The following NEDD4L variants were observed in gnomAD, a reference collection of about 807,000 sequenced individuals.
The protein encoded by NEDD4L is E3 ubiquitin-protein ligase NEDD4-like.
Under a neutral mutation model 148.9 loss-of-function variants are expected in NEDD4L, and 54 were observed. The ratio of observed to expected loss-of-function variants is 0.36; its 90% confidence interval spans 0.29 to 0.45. NEDD4L has a LOEUF of 0.45. Ranked by LOEUF, NEDD4L falls within the 20% of genes least tolerant of loss-of-function variation. The pLI, the probability that NEDD4L is intolerant of heterozygous loss-of-function variation, is 1.00. For missense variants in NEDD4L, 856 were observed against 1,233.8 expected (o/e 0.69, Z 4.59); for synonymous variants, 433 against 440.7 (o/e 0.98, Z 0.22).
At chr18:58,161,423 TTTTTTC>T (rs1185701416) in intron 1 of NEDD4L, among the ~76,000 whole-genome samples, 49 of 130,996 alleles carry the variant, frequency 3.7e-4, no homozygotes, top group Admixed American at 3.6e-3. Context: ...ATTTCCGTGT[TTTTTTC>T]TTTTTCTTTT....
At chr18:58,205,280 C>T (rs933221816) in intron 2 of NEDD4L, among the ~76,000 whole-genome samples, 5 of 152,172 alleles carry the variant, frequency 3.3e-5, no homozygotes, top group African/African-American at 9.7e-5. Context: ...GCAGTAAAGC[C>T]ATGAGCTAAC....
chr18:58,103,272 A>ATATAATATATATAATTATAT (rs112285345), intron 1 of NEDD4L, among the ~76,000 whole-genome samples: 2 of 136,382 alleles, frequency 1.5e-5, no homozygotes, highest in African/African-American at 6.3e-5. Flanking sequence ...TATATATTAT[A>ATATAATATATATAATTATAT]ATTATATATA....
At position 58,084,671 on chromosome 18, in the gene NEDD4L, T is replaced by TTGTGTGTGTGTGTGTGTGTG. The variant is rs55916532; in HGVS notation, c.48+39983_48+40002dup. ...CTTCTCACTATATCTTGTGGGGTTTTTGTGTGTGTGTGTGTGTGTGTGTGT... is the reference window on the plus strand; with the variant it reads ...CTTCTCACTATATCTTGTGGGGTTTTTGTGTGTGTGTGTGTGTGTGTGTGTGTGTGTGTGTGTGTGTGTGT... On this transcript the variant is annotated intron_variant, in intron 1 of 30. Transcript: ENST00000400345. Among the ~76,000 whole-genome samples the TTGTGTGTGTGTGTGTGTGTG allele has an allele frequency of 7.5e-5, 10 of 133,736 alleles. No homozygotes were observed. The East Asian group carries it at 9.0e-4, about 12-fold the overall frequency. 87.7% of individuals were successfully genotyped at this position (133,736 alleles called of 152,430 possible).
intron 1 of NEDD4L, among the ~76,000 whole-genome samples, chr18:58,099,950 A>G (rs1401428677): frequency 6.6e-6 from 1 of 151,766 alleles, no homozygotes; most frequent in East Asian, 1.9e-4. Context: ...TGAGATAGCT[A>G]ATAATCAAAG....
At position 58,120,606 on chromosome 18, in the gene NEDD4L, C is replaced by T. The variant is rs191029184; in HGVS notation, c.49-45182C>T. Among the ~76,000 whole-genome samples the T allele has an allele frequency of 7.8e-3, 1,191 of 152,060 alleles. 18 individuals are homozygous for T. Among genetic ancestry groups the T allele is most frequent in the African/African-American group, 0.027 (1,122 of 41,470 alleles). ...CATCCTGGCTAACACAGTGAAACCCCGTCTCTACTAAAAATACAAAAAAAT... is the reference window on the plus strand; with the variant it reads ...CATCCTGGCTAACACAGTGAAACCCTGTCTCTACTAAAAATACAAAAAAAT... On this transcript the variant is annotated intron_variant, in intron 1 of 30. Transcript: ENST00000400345.
At chr18:58,253,233 G>A (rs147210817) in intron 5 of NEDD4L, among the ~76,000 whole-genome samples, 4 of 152,318 alleles carry the variant, frequency 2.6e-5, no homozygotes, top group Admixed American at 6.5e-5. Context: ...GAAGAACCAG[G>A]TCTAGAGCCT....
intron 13 of NEDD4L, among the ~76,000 whole-genome samples, chr18:58,340,317 C>T (rs2042263153): frequency 1.3e-5 from 2 of 152,156 alleles, no homozygotes; most frequent in African/African-American, 4.8e-5. Context: ...TCACTCTATG[C>T]GGGGCAGGTC....
At chr18:58,252,607 T>A (rs2048062788) in intron 5 of NEDD4L, among the ~76,000 whole-genome samples, 1 of 152,218 alleles carries the variant, frequency 6.6e-6, no homozygotes, top group Non-Finnish European at 1.5e-5. Context: ...AACAAAGATA[T>A]GCCTGAGGCA....
chr18:58,325,788 G>A (rs183166039), intron 9 of NEDD4L, among the ~76,000 whole-genome samples: 73 of 152,282 alleles, frequency 4.8e-4, no homozygotes, highest in Non-Finnish European at 7.8e-4. Flanking sequence ...TTGATTGATA[G>A]CAAATAAACA....
chr18:58,201,564 T>G (rs898349722), intron 2 of NEDD4L, among the ~76,000 whole-genome samples: 4 of 152,200 alleles, frequency 2.6e-5, no homozygotes, highest in African/African-American at 4.8e-5. Context: ...GAAACAGGTT[T>G]CAAAGTCAGG....
chr18:58,227,080 C>T (rs1028042041), intron 2 of NEDD4L, among the ~76,000 whole-genome samples: 7 of 152,254 alleles, frequency 4.6e-5, no homozygotes, highest in Non-Finnish European at 8.8e-5. Context: ...CATCAGTCCT[C>T]CTTGCTGTGC....
intron 1 of NEDD4L, among the ~76,000 whole-genome samples, chr18:58,117,405 A>G (rs2085918993): frequency 6.6e-6 from 1 of 152,206 alleles, no homozygotes; most frequent in Non-Finnish European, 1.5e-5. Flanking sequence ...CTGTGTGTTA[A>G]TCTTTATTTA....
intron 24 of NEDD4L, among the ~76,000 whole-genome samples, chr18:58,375,931 C>T (rs1452862241): frequency 6.6e-6 from 1 of 152,106 alleles, no homozygotes; most frequent in African/African-American, 2.4e-5. Context: ...AACGATTAGA[C>T]ATGGTTAGTC....
intron 2 of NEDD4L, among the ~76,000 whole-genome samples, chr18:58,212,671 A>G (rs1172926193): frequency 1.3e-5 from 2 of 152,028 alleles, no homozygotes; most frequent in African/African-American, 2.4e-5. Context: ...AGGTTTCACC[A>G]TATTGCTCAG....
Position 58,366,358 on chromosome 18 carries a change from CCA to C in NEDD4L, c.2063+133_2063+134del. On this transcript the variant is annotated intron_variant, in intron 21 of 30. Transcript: ENST00000400345. This position sits in a 1 kb window ranked among gnomAD's most constrained non-coding sequence, Gnocchi z 4.2. The stretch of plus-strand genomic sequence containing the variant: ...CTGCTGAGTTTGTTCTCTCCTCACC[CCA>C]CAGCCCCTTGCAAGTCTAGAACAGG... 1.6e-6 allele frequency: 1 copy of C among 607,260 alleles called. No homozygotes were observed. Among genetic ancestry groups the C allele is most frequent in the East Asian group, 2.8e-5 (1 of 35,908 alleles). 37.6% of individuals were successfully genotyped at this position (607,260 alleles called of 1,614,324 possible). A position where few individuals can be genotyped will look rare whatever the true frequency, so the allele number is the denominator to read the frequency against.
chr18:58,071,697 A>G (rs758794210), intron 1 of NEDD4L, among the ~76,000 whole-genome samples: 1 of 152,222 alleles, frequency 6.6e-6, no homozygotes, highest in Non-Finnish European at 1.5e-5. Context: ...TGAGTAATTT[A>G]TAAAGGAAAG....
intron 2 of NEDD4L, among the ~76,000 whole-genome samples, chr18:58,222,604 T>C (rs1188240962): frequency 6.6e-6 from 1 of 152,200 alleles, no homozygotes; most frequent in Admixed American, 6.5e-5. Context: ...AGTTAACTGG[T>C]TATAGTGTAT....
chr18:58,366,126 C>T lies in NEDD4L; in HGVS notation c.1961C>T (p.Ser654Leu). The T allele has an allele frequency of 6.2e-7, 1 of 1,613,646 alleles. No homozygotes were observed. The highest frequency in any genetic ancestry group is 1.1e-5 in the South Asian group (1 of 90,920). The change falls in exon 21 of 31, where the codon TCA (serine) becomes TTA (leucine). Residue 654 changes from serine to leucine, a missense_variant. Coordinates refer to ENST00000400345, the MANE Select transcript of NEDD4L (RefSeq NM_001144967.3). The surrounding 1 kb of genome is among the most constrained non-coding windows in gnomAD (Gnocchi z 4.2). ...LKARLWIEFE[S>L]EKGLDYGGVA... ...GCTAGACTGTGGATTGAGTTTGAAT[C>T]AGAGAAAGGTCTTGACTATGGGGGT...
At chr18:58,290,144 G>A (rs1036169158) in intron 5 of NEDD4L, among the ~76,000 whole-genome samples, 4 of 152,198 alleles carry the variant, frequency 2.6e-5, no homozygotes, top group Non-Finnish European at 4.4e-5. Context: ...GAGCCCACTC[G>A]ATGCTTGGCA....
Sources: allele counts gnomAD v4.1 joint callset (sites outside exome capture counted in the v4.1 genomes callset), GRCh38; gene constraint gnomAD v4.1.1; non-coding constraint Gnocchi (gnomAD v3.1); transcripts MANE v1.5; gene names NCBI Gene and HGNC (gene_info 2026-07-23, HGNC 2026-07-21).